The following RBM25 variants were observed in gnomAD, a reference collection of about 807,000 sequenced individuals.
RBM25 encodes the protein RNA-binding protein 25.
A neutral mutation model predicts 120.7 loss-of-function variants in RBM25; 19 were observed. The observed-to-expected ratio is 0.16, with a 90% CI of 0.11 to 0.23. RBM25 has a LOEUF of 0.23. RBM25 is among the 10% of genes least tolerant of loss of function. RBM25 has a pLI of 1.00. For synonymous variants in RBM25, 390 were observed against 326.7 expected (o/e 1.19, Z -2.09); for missense variants, 605 against 1,041.5 (o/e 0.58, Z 5.77).
chr14:73,094,502 C>T (rs1269523931), intron 6 of RBM25, among the ~76,000 whole-genome samples: 2 of 149,814 alleles, frequency 1.3e-5, no homozygotes, highest in Non-Finnish European at 3.0e-5. Flanking sequence ...GGCTGGAGTG[C>T]AGTGGCGTGA....
chr14:73,076,630 G>C (rs934666545), intron 3 of RBM25, among the ~76,000 whole-genome samples: 1 of 152,150 alleles, frequency 6.6e-6, no homozygotes, highest in Non-Finnish European at 1.5e-5. Context: ...TCATATACTT[G>C]TTATTACAAA....
At chr14:73,102,088 T>C (rs1243986234) in intron 9 of RBM25, 2 of 152,250 alleles carry the variant, frequency 1.3e-5, no homozygotes, top group Non-Finnish European at 2.9e-5. Context: ...ACAGGTAAGA[T>C]TGCTTTTTAA....
intron 5 of RBM25, among the ~76,000 whole-genome samples, chr14:73,085,672 C>T (rs1475050146): frequency 2.0e-5 from 3 of 151,908 alleles, no homozygotes; most frequent in Non-Finnish European, 4.4e-5. Flanking sequence ...GTCTTGAACA[C>T]GTGACTTCAG....
At chr14:73,111,384 T>C (rs1227077211) in intron 15 of RBM25, 144 bp from the exon 16 acceptor site, 1 of 1,007,444 alleles carries the variant, frequency 9.9e-7, no homozygotes, top group East Asian at 2.5e-5. Flanking sequence ...CTAGCACTTG[T>C]GAGTAGTGAG....
rs1895882383 is a variant in RBM25 at position 73,094,138 on chromosome 14, A to T, written c.544-2777A>T. Among the ~76,000 whole-genome samples the T allele has an allele frequency of 2.0e-5, 3 of 151,138 alleles. No homozygotes were observed. The South Asian group carries it at 6.3e-4, about 31-fold the overall frequency. ...GGCTAATTTTTTTTGTATTTTTGGTAGAGACGGGGTTTCACTGTGTTAGCC... is the reference window on the plus strand; with the variant it reads ...GGCTAATTTTTTTTGTATTTTTGGTTGAGACGGGGTTTCACTGTGTTAGCC... On this transcript the variant is annotated intron_variant, in intron 6 of 18. Transcript: ENST00000261973.
chr14:73,112,794 TTTG>T (rs1291305632), intron 17 of RBM25, among the ~76,000 whole-genome samples: 1 of 152,018 alleles, frequency 6.6e-6, no homozygotes, highest in Non-Finnish European at 1.5e-5. Flanking sequence ...TGTTTTGTTT[TTTG>T]TTTTTTGTTT....
Position 73,099,402 on chromosome 14 carries a change from C to T in RBM25, c.752C>T (p.Ala251Val). ...CAGATTTTCCGCAGATTTCCAGTGG[C>T]CCCACTGATCCCTTATCCACTCATC... Reference protein sequence around the residue: ...KEDIFRRFPVAPLIPYPLITK... With the variant: ...KEDIFRRFPVVPLIPYPLITK... The change falls in exon 8 of 19, where the codon GCC (alanine) becomes GTC (valine). Residue 251 changes from alanine (A) to valine (V), a missense_variant. Around this residue, in one of 4 missense-constraint regions of RBM25, gnomAD observed 465 missense variants for 741.6 expected, o/e 0.63. Transcript: ENST00000261973. The T allele has an allele frequency of 1.2e-6, 2 of 1,603,188 alleles. No individual in the cohort carries two copies. The highest frequency in any genetic ancestry group is 1.7e-6 in the Non-Finnish European group (2 of 1,177,880).
chr14:73,070,254 G>A (rs914960840), intron 1 of RBM25, among the ~76,000 whole-genome samples: 3 of 151,450 alleles, frequency 2.0e-5, no homozygotes, highest in Non-Finnish European at 2.9e-5. Flanking sequence ...ACGGGGTTTC[G>A]CCATGTTGGT....
At chr14:73,110,693 T>C in intron 14 of RBM25, 138 bp from the exon 15 acceptor site, 2 of 1,047,410 alleles carry the variant, frequency 1.9e-6, no homozygotes, top group Non-Finnish European at 1.3e-6. Flanking sequence ...CCTCCCAAAG[T>C]GCTGGGATTA....
Position 73,117,086 on chromosome 14 carries a change from A to C in RBM25, c.2440-2627A>C, listed in dbSNP as rs147904708. Among the ~76,000 whole-genome samples, 70 of 152,236 alleles carry C rather than the reference A, an allele frequency of 4.6e-4. 1 individual carries two copies. The highest frequency in any genetic ancestry group is 8.8e-4 in the Non-Finnish European group (60 of 68,018). ...TGACTCAGATGTGAATTAGTGTTAC[A>C]ACAGAGTTCTTCAACTAAAGTCAAA... is the stretch of plus-strand genomic sequence containing the variant. On this transcript the variant is annotated intron_variant, in intron 18 of 18. Transcript: ENST00000261973.
At chr14:73,087,031 CTGTT>C (rs1377605801) in intron 5 of RBM25, among the ~76,000 whole-genome samples, 1 of 141,548 alleles carries the variant, frequency 7.1e-6, no homozygotes, top group Non-Finnish European at 1.5e-5. Context: ...AGGGGCATAT[CTGTT>C]TGTCTTTATG....
chr14:73,069,662 A>G (rs536379894), intron 1 of RBM25, among the ~76,000 whole-genome samples: 104 of 145,238 alleles, frequency 7.2e-4, no homozygotes, highest in East Asian at 5.7e-3. Flanking sequence ...TGAACTCCCA[A>G]CCTCAGGTCA....
chr14:73,070,404 T>C (rs1486992558), intron 1 of RBM25, among the ~76,000 whole-genome samples: 2 of 150,904 alleles, frequency 1.3e-5, no homozygotes, highest in Non-Finnish European at 2.9e-5. Context: ...ATTCTTCAGT[T>C]TTGATTCAAG....
chr14:73,077,650 G>A (rs908415132), intron 4 of RBM25, 114 bp downstream of exon 4: 9 of 944,972 alleles, frequency 9.5e-6, no homozygotes, highest in African/African-American at 8.3e-5. Context: ...TTTCAGTCCT[G>A]CAGCAAAGGT....
chr14:73,110,146 A>T (rs555062340), intron 14 of RBM25, among the ~76,000 whole-genome samples: 28 of 150,084 alleles, frequency 1.9e-4, no homozygotes, highest in South Asian at 1.5e-3. Context: ...TGGCATCCCA[A>T]AGTCCTGGGA....
Position 73,099,647 on chromosome 14 carries a change from C to T in RBM25, c.784-20C>T. 5 of 1,592,388 alleles carry T rather than the reference C, an allele frequency of 3.1e-6. No homozygotes were observed. The highest frequency in any genetic ancestry group is 3.4e-6 in the Non-Finnish European group (4 of 1,174,672). ...TAGGGTGTTCTTTATTCATTCCCTC[C>T]TGTGCCCGTTTTCTTTTAGGAGGAT... On this transcript the variant is annotated intron_variant, in intron 8 of 18. Coordinates refer to ENST00000261973, the MANE Select transcript of RBM25 (RefSeq NM_021239.3).
intron 2 of RBM25, among the ~76,000 whole-genome samples, chr14:73,074,502 G>A (rs1895367772): frequency 6.6e-6 from 1 of 152,032 alleles, no homozygotes; most frequent in South Asian, 2.1e-4. Context: ...GGAGGCTGAG[G>A]GCAGGAGGAT....
intron 6 of RBM25, among the ~76,000 whole-genome samples, chr14:73,089,462 C>A (rs1200782116): frequency 6.6e-6 from 1 of 151,832 alleles, no homozygotes; most frequent in African/African-American, 2.4e-5. Context: ...TCAGGTGATT[C>A]TCCTGCCTCA....
chr14:73,103,545 T>TTGCAGTGAGCCGAGATTGCACCACTGC, intron 10 of RBM25, 67 bp downstream of exon 10: 1 of 1,509,378 alleles, frequency 6.6e-7, no homozygotes, highest in Non-Finnish European at 8.8e-7. Context: ...TCCTCCAGAG[T>TTGCAGTGAGCCGAGATTGCACCACTGC]ACCATTTGCA....
Sources: gnomAD v4.1 joint callset for allele counts (sites outside exome capture counted in the v4.1 genomes callset) on GRCh38, gnomAD v4.1.1 for gene constraint, gnomAD v4.1.1 regional missense constraint, MANE v1.5 for transcripts, NCBI Gene and HGNC (gene_info 2026-07-23, HGNC 2026-07-21) for gene names.